The following NFATC2 variants were observed in gnomAD, a reference collection of about 807,000 sequenced individuals.
NFATC2 encodes nuclear factor of activated T cells 2.
In NFATC2, 22 loss-of-function variants were observed where a neutral mutation model predicts 87.3. The observed-to-expected ratio is 0.25, with a 90% CI of 0.18 to 0.36. The LOEUF is 0.36. NFATC2 is among the 10% of genes least tolerant of loss of function. The pLI is 1.00. For missense variants in NFATC2, 1,149 were observed against 1,259.1 expected (o/e 0.91, Z 1.32); for synonymous variants, 565 against 542.2 (o/e 1.04, Z -0.58).
At chr20:51,410,589 AAG>A (rs939681491) in intron 9 of NFATC2, among the ~76,000 whole-genome samples, 11 of 152,004 alleles carry the variant, frequency 7.2e-5, no homozygotes, top group Non-Finnish European at 1.5e-4. Flanking sequence ...AGAGAGAAGA[AAG>A]AAGGTAATGA....
At chr20:51,399,831 C>T (rs890731629) in intron 9 of NFATC2, among the ~76,000 whole-genome samples, 2 of 152,194 alleles carry the variant, frequency 1.3e-5, no homozygotes, top group Admixed American at 6.5e-5. Flanking sequence ...ACAGTACTGT[C>T]GGATAATTCA....
chr20:51,552,913 T>A (rs1237437211), intron 1 of NFATC2, among the ~76,000 whole-genome samples: 2 of 152,116 alleles, frequency 1.3e-5, no homozygotes, highest in African/African-American at 4.8e-5. Context: ...CATCAACCCA[T>A]CACCTAGGTA....
chr20:51,403,337 C>T (rs772429513), intron 9 of NFATC2, among the ~76,000 whole-genome samples: 16 of 152,202 alleles, frequency 1.1e-4, no homozygotes, highest in Admixed American at 7.2e-4. Flanking sequence ...GGCCCTTGCA[C>T]GTACTGCTAT....
chr20:51,540,663 T>TTTTTTTTTTTTTTTTTTTTTGTTTG (rs1555818354), intron 1 of NFATC2, among the ~76,000 whole-genome samples: 2 of 135,692 alleles, frequency 1.5e-5, no homozygotes, highest in East Asian at 2.3e-4. Flanking sequence ...TTTTTGTTTT[T>TTTTTTTTTTTTTTTTTTTTTGTTTG]TTTTTTTTGA....
At chr20:51,517,113 A>G (rs2076364104) in intron 2 of NFATC2, among the ~76,000 whole-genome samples, 158 bp from the exon 3 acceptor site, 1 of 152,230 alleles carries the variant, frequency 6.6e-6, no homozygotes, top group South Asian at 2.1e-4. Context: ...TGTGAACATC[A>G]GAGTGCACTT....
intron 3 of NFATC2, among the ~76,000 whole-genome samples, chr20:51,478,564 A>G (rs55990504): frequency 0.074 from 11,287 of 152,216 alleles, 476 homozygotes; most frequent in Middle Eastern, 0.12. Flanking sequence ...ACACCTGCCC[A>G]AGCCACCATC....
rs543817595 is a variant in NFATC2 at position 51,452,586 on chromosome 20, T to A, written c.1849+1962A>T. ...ATCATGGTTCATCCAAGAAGGCCCA[T>A]GGGTACATGAGACTCAACGCTTCCA... On this transcript the variant is annotated intron_variant, in intron 6 of 10. Transcript: ENST00000371564. Among the ~76,000 whole-genome samples the A allele has an allele frequency of 2.0e-5, 3 of 152,282 alleles. No homozygotes were observed. The South Asian group carries it at 6.2e-4, about 32-fold the overall frequency.
At chr20:51,401,025 CCACGAGATGGGGATGAGAA>C (rs1987978061) in intron 9 of NFATC2, among the ~76,000 whole-genome samples, 1 of 152,160 alleles carries the variant, frequency 6.6e-6, no homozygotes, top group East Asian at 1.9e-4. Context: ...GTCTCCCCAG[CCACGAGATGGGGATGAGAA>C]CACTTCCTTG....
In NFATC2 at chr20:51,554,584, C is replaced by T. The variant is rs566126161; in HGVS notation, c.70+7976G>A. On this transcript the variant is annotated intron_variant, in intron 1 of 10. Coordinates refer to the NFATC2 transcript ENST00000414705. ...CTGACCCCTTTGTCTTTGCTGAGAG[C>T]GTCACAGACACGATTTCCTTTCAAC... 8.5e-5 allele frequency among the ~76,000 whole-genome samples: 13 copies of T among 152,310 alleles called. No homozygotes were observed. In the South Asian group the frequency reaches 2.1e-3, roughly 24 times the overall value.
In NFATC2 at chr20:51,387,998, G is replaced by C. The variant is rs2146184885; in HGVS notation, c.*3498C>G. On this transcript the variant is annotated 3_prime_UTR_variant, in exon 11 of 11. Transcript: ENST00000371564. ...GCTCACTGAGGCGTCTTGGCTACTG[G>C]ATGTAAACAAAAAATGCAATATCCG... 1 of 151,836 alleles carries C rather than the reference G, an allele frequency of 6.6e-6. No individual in the cohort carries two copies. The highest frequency in any genetic ancestry group is 1.9e-4 in the East Asian group (1 of 5,148). 9.4% of individuals were successfully genotyped at this position (151,836 alleles called of 1,614,324 possible).
intron 3 of NFATC2, among the ~76,000 whole-genome samples, chr20:51,514,960 AG>A (rs1353904045): frequency 2.0e-5 from 3 of 152,090 alleles, no homozygotes; most frequent in African/African-American, 7.2e-5. Flanking sequence ...AGGGAGAGGA[AG>A]TGCACAGGTG....
chr20:51,512,994 C>T (rs1182154314), intron 3 of NFATC2, among the ~76,000 whole-genome samples: 12 of 152,266 alleles, frequency 7.9e-5, no homozygotes, highest in Non-Finnish European at 2.9e-5. Flanking sequence ...CTCTTAAAGT[C>T]CACTCTTTTC....
intron 3 of NFATC2, among the ~76,000 whole-genome samples, chr20:51,488,824 A>G (rs1041069463): frequency 1.3e-5 from 2 of 152,164 alleles, no homozygotes; most frequent in African/African-American, 4.8e-5. Flanking sequence ...AGCCAGAGGG[A>G]TCTTTTAAAA....
At chr20:51,465,116 G>C (rs1450659763) in intron 5 of NFATC2, among the ~76,000 whole-genome samples, 3 of 152,206 alleles carry the variant, frequency 2.0e-5, no homozygotes, top group African/African-American at 4.8e-5. Flanking sequence ...AGCTGGGCGT[G>C]GTGGCTCAGG....
chr20:51,417,770 A>G (rs1392992815), intron 9 of NFATC2, among the ~76,000 whole-genome samples: 1 of 152,198 alleles, frequency 6.6e-6, no homozygotes, highest in Non-Finnish European at 1.5e-5. Context: ...AGCTCACTTT[A>G]CATACTCAGT....
At chr20:51,402,429 A>G (rs1241347246) in intron 9 of NFATC2, among the ~76,000 whole-genome samples, 1 of 152,126 alleles carries the variant, frequency 6.6e-6, no homozygotes, top group African/African-American at 2.4e-5. Context: ...CCCTCTGCTA[A>G]GAAACATCAG....
chr20:51,542,239 G>A (rs909956998), intron 1 of NFATC2, 131 bp downstream of exon 1: 19 of 1,186,842 alleles, frequency 1.6e-5, no homozygotes, highest in Middle Eastern at 4.8e-4. Flanking sequence ...CCTGGCACCT[G>A]GGTAGGGGCA....
Position 51,436,325 on chromosome 20 carries a change from G to GA in NFATC2, c.1850-565dup, listed in dbSNP as rs909777032. ...AAAACAGGGCAACAACAGAAAATAA[G>GA]AAAAAAAATAGAAACTGTCCAGAAT... On this transcript the variant is annotated intron_variant, in intron 6 of 10. Coordinates refer to ENST00000371564, the MANE Select transcript of NFATC2 (RefSeq NM_012340.5). Among the ~76,000 whole-genome samples, 67 of 147,882 alleles carry GA rather than the reference G, an allele frequency of 4.5e-4. 1 individual carries two copies. The highest frequency in any genetic ancestry group is 1.6e-3 in the African/African-American group (63 of 40,496).
intron 9 of NFATC2, among the ~76,000 whole-genome samples, chr20:51,401,251 C>G (rs1249097554): frequency 2.0e-5 from 3 of 151,908 alleles, no homozygotes; most frequent in Admixed American, 6.6e-5. Context: ...GTGCCTGTAA[C>G]CTCAGCTACC....
Sources: allele counts gnomAD v4.1 joint callset (sites outside exome capture counted in the v4.1 genomes callset), GRCh38; gene constraint gnomAD v4.1.1; transcripts MANE v1.5; gene names NCBI Gene and HGNC (gene_info 2026-07-23, HGNC 2026-07-21).